Variants in CPNE8 observed in about 807,000 individuals in gnomAD.
CPNE8 encodes copine 8, also known as copine-8.
CPNE8 carries 45 observed loss-of-function variants against 81.5 expected under a neutral mutation model. The ratio of observed to expected loss-of-function variants is 0.55; its 90% CI spans 0.44 to 0.71. The LOEUF (loss-of-function observed/expected upper bound fraction) is 0.71, where lower values mean the gene tolerates loss of function less well. CPNE8 is among the 30% of genes least tolerant of loss of function. The pLI is 0.00. For missense variants in CPNE8, 594 were observed against 672.1 expected (o/e 0.88, Z 1.28); for synonymous variants, 252 against 226.3 (o/e 1.11, Z -1.02).
intron 6 of CPNE8, among the ~76,000 whole-genome samples, chr12:38,805,517 C>A (rs561505962): frequency 2.0e-5 from 2 of 99,736 alleles, no homozygotes; most frequent in African/African-American, 3.7e-5. Flanking sequence ...GTGGTGGGGT[C>A]GGGGGATGGG....
At chr12:38,708,171 A>G (rs1227582814) in intron 13 of CPNE8, among the ~76,000 whole-genome samples, 1 of 152,238 alleles carries the variant, frequency 6.6e-6, no homozygotes, top group Non-Finnish European at 1.5e-5. Flanking sequence ...TTTAGAAAAT[A>G]TTAACTGATA....
intron 5 of CPNE8, among the ~76,000 whole-genome samples, chr12:38,833,173 T>G (rs984516065): frequency 6.6e-6 from 1 of 151,316 alleles, no homozygotes; most frequent in Non-Finnish European, 1.5e-5. Context: ...GCCAACATGG[T>G]GAAACCCCAT....
intron 1 of CPNE8, among the ~76,000 whole-genome samples, chr12:38,875,771 G>T (rs973888004): frequency 5.3e-5 from 8 of 152,136 alleles, no homozygotes; most frequent in African/African-American, 9.7e-5. Flanking sequence ...CTCATATTTG[G>T]AATTAAATCA....
intron 6 of CPNE8, among the ~76,000 whole-genome samples, chr12:38,799,951 G>C (rs1311486761): frequency 4.0e-5 from 6 of 150,840 alleles, no homozygotes; most frequent in African/African-American, 1.2e-4. Flanking sequence ...TTTCAGACCG[G>C]CTTAAGAAAC....
At chr12:38,859,094 C>A (rs545483541) in intron 3 of CPNE8, among the ~76,000 whole-genome samples, 1 of 151,786 alleles carries the variant, frequency 6.6e-6, no homozygotes, top group South Asian at 2.1e-4. Context: ...AAAATCCTAG[C>A]CAGAGCAATT....
intron 6 of CPNE8, among the ~76,000 whole-genome samples, chr12:38,790,703 A>T (rs1942300642): frequency 1.3e-5 from 2 of 151,746 alleles, no homozygotes; most frequent in Admixed American, 1.3e-4. Flanking sequence ...AAAACATCTC[A>T]TATACACCTT....
intron 10 of CPNE8, among the ~76,000 whole-genome samples, chr12:38,739,012 C>A (rs972004102): frequency 1.3e-5 from 2 of 151,894 alleles, no homozygotes; most frequent in African/African-American, 4.8e-5. Context: ...GGGGTTTCAC[C>A]ATGTGGGCCA....
chr12:38,790,193 T>C (rs866820126), intron 6 of CPNE8, among the ~76,000 whole-genome samples: 1 of 151,736 alleles, frequency 6.6e-6, no homozygotes, highest in Non-Finnish European at 1.5e-5. Context: ...ACAGTCAAGA[T>C]TGGAAAACCA....
At chr12:38,863,342 T>G (rs1358843214) in intron 3 of CPNE8, among the ~76,000 whole-genome samples, 1 of 152,226 alleles carries the variant, frequency 6.6e-6, no homozygotes, top group Non-Finnish European at 1.5e-5. Context: ...TAAAACCTCC[T>G]ATAATGAAAT....
At chr12:38,697,340 A>ATTTT (rs1939822199) in intron 14 of CPNE8, among the ~76,000 whole-genome samples, 2 of 152,168 alleles carry the variant, frequency 1.3e-5, no homozygotes, top group African/African-American at 4.8e-5. Context: ...TATAGCCTGC[A>ATTTT]TGTATTAGTG....
chr12:38,819,386 A>G (rs1020669848), intron 6 of CPNE8, among the ~76,000 whole-genome samples: 4 of 152,182 alleles, frequency 2.6e-5, no homozygotes, highest in Admixed American at 2.0e-4. Context: ...AATGCAATCA[A>G]GTTAGCCACT....
At chr12:38,678,083 G>A (rs1046586645) in intron 16 of CPNE8, among the ~76,000 whole-genome samples, 1 of 151,900 alleles carries the variant, frequency 6.6e-6, no homozygotes, top group East Asian at 1.9e-4. Context: ...AGAGGTAATG[G>A]TTGCAACATT....
intron 6 of CPNE8, among the ~76,000 whole-genome samples, chr12:38,795,959 C>G (rs1019599483): frequency 6.6e-6 from 1 of 152,006 alleles, no homozygotes; most frequent in Non-Finnish European, 1.5e-5. Flanking sequence ...GACTGTGTAA[C>G]ATTTTAAAAT....
At chr12:38,789,121 C>G (rs113644584) in intron 6 of CPNE8, among the ~76,000 whole-genome samples, 1 of 151,670 alleles carries the variant, frequency 6.6e-6, no homozygotes, top group Non-Finnish European at 1.5e-5. Flanking sequence ...TATATGGAAC[C>G]ACAAAAGACC....
rs900293902 is a variant in CPNE8 at position 38,879,845 on chromosome 12, T to TA, written c.99-5335dup. 2.1e-3 allele frequency among the ~76,000 whole-genome samples: 320 copies of TA among 150,712 alleles called. 1 individual carries two copies. The highest frequency in any genetic ancestry group is 7.1e-3 in the African/African-American group (294 of 41,212). On this transcript the variant is annotated intron_variant, in intron 1 of 19. Coordinates refer to ENST00000331366, the MANE Select transcript of CPNE8 (RefSeq NM_153634.3). Reference sequence around the variant, plus strand: ...AGAAATTTTTAAAGTTCTAATTCAATAAAAAAAAACATACAAGATACTTGT... The same window carrying TA: ...AGAAATTTTTAAAGTTCTAATTCAATAAAAAAAAAACATACAAGATACTTGT...
chr12:38,653,680 A>AT lies in CPNE8; in HGVS notation c.*201dup, dbSNP rs200309786. On this transcript the variant is annotated 3_prime_UTR_variant, in exon 20 of 20. Transcript: ENST00000331366. The stretch of plus-strand genomic sequence containing the variant: ...ATACTTTGCTTCAAGCATTTAAACA[A>AT]TTTTTTCTGTTGCTCATGCAACAAC... The AT allele has an allele frequency of 0.014, 7,982 of 587,586 alleles. 116 individuals are homozygous for AT. Among genetic ancestry groups the AT allele is most frequent in the South Asian group, 0.044 (782 of 17,866 alleles). 36.4% of individuals were successfully genotyped at this position (587,586 alleles called of 1,614,324 possible). A position where few individuals can be genotyped will look rare whatever the true frequency, so the allele number is the denominator to read the frequency against.
At chr12:38,738,745 G>A (rs1164156873) in intron 10 of CPNE8, among the ~76,000 whole-genome samples, 7 of 150,764 alleles carry the variant, frequency 4.6e-5, no homozygotes, top group African/African-American at 1.7e-4. Flanking sequence ...TATTTATGAA[G>A]TTCTCTTTGG....
chr12:38,746,844 AAG>A (rs1941236422), intron 10 of CPNE8, among the ~76,000 whole-genome samples: 1 of 152,214 alleles, frequency 6.6e-6, no homozygotes, highest in Admixed American at 6.5e-5. Context: ...ATATATAAAA[AAG>A]AGATTGAATT....
chr12:38,655,188 C>T (rs1230781089), intron 19 of CPNE8, among the ~76,000 whole-genome samples: 1 of 152,024 alleles, frequency 6.6e-6, no homozygotes, highest in East Asian at 1.9e-4. Context: ...ACTTTTGCAC[C>T]ACCCTTAATA....
Sources: gnomAD v4.1 joint callset for allele counts (sites outside exome capture counted in the v4.1 genomes callset) on GRCh38, gnomAD v4.1.1 for gene constraint, MANE v1.5 for transcripts, NCBI Gene and HGNC (gene_info 2026-07-23, HGNC 2026-07-21) for gene names.